Variants in EFCAB9 observed in about 807,000 individuals in gnomAD.
EFCAB9 encodes the protein EF-hand calcium binding domain 9, also known as EF-hand calcium-binding domain-containing protein 9.
In EFCAB9, 16 loss-of-function variants were observed where a neutral mutation model predicts 15.6. That is an observed-to-expected ratio of 1.03 (90% confidence interval 0.69 to 1.56). EFCAB9 has a LOEUF of 1.56. Among genes scored for constraint, EFCAB9 ranks in the 40% most tolerant of loss-of-function variants. The probability of loss-of-function intolerance (pLI) is 0.00; values close to 1 mark genes in which losing one functional copy is unlikely to be tolerated. For synonymous variants in EFCAB9, 76 were observed against 85.4 expected, an observed-to-expected ratio of 0.89 and a Z score of 0.61; for missense variants, 208 against 235.4, an observed-to-expected ratio of 0.88 and a Z score of 0.76.
At chr5:172,197,406 G>A (rs115146010) in intron 1 of EFCAB9, among the ~76,000 whole-genome samples, 97 of 152,192 alleles carry the variant, frequency 6.4e-4, no homozygotes, top group Non-Finnish European at 7.2e-4. Flanking sequence ...CGCGCCCAAC[G>A]TGAGGCACAC....
In EFCAB9 at chr5:172,203,382, T is replaced by C. The variant is rs776006211; in HGVS notation, c.*37T>C. 6.6e-7 allele frequency: 1 copy of C among 1,517,544 alleles called. No individual in the cohort carries two copies. The highest frequency in any genetic ancestry group is 8.8e-7 in the Non-Finnish European group (1 of 1,140,754). The allele number at this position is 1,517,544 out of a possible 1,614,324, so 94.0% of individuals were successfully genotyped here. The stretch of plus-strand genomic sequence containing the variant: ...AAGAGTCTTGGAAAAAAATGGGATC[T>C]GAAAGTACAGAACATGAACATTGAT... On this transcript the variant is annotated 3_prime_UTR_variant, in exon 4 of 4. Transcript: ENST00000398186.
In EFCAB9 at chr5:172,199,447, G is replaced by T; in HGVS notation, c.201G>T (p.Val67=). Residue 67 remains valine, a synonymous_variant, in exon 2 of 4, where the codon GTG becomes GTT. Coordinates refer to ENST00000398186, the MANE Select transcript of EFCAB9 (RefSeq NM_001171183.2). Reference sequence around the variant, plus strand: ...TGAAAAAGGCACAGATCAACATTGTGTTTGACATGCTGGACTGGAACGCTG... The same window carrying T: ...TGAAAAAGGCACAGATCAACATTGTTTTTGACATGCTGGACTGGAACGCTG... ...TDLKKAQINI[V]FDMLDWNAVG... 2 of 1,537,298 alleles carry T rather than the reference G, an allele frequency of 1.3e-6. No homozygotes were observed. The highest frequency in any genetic ancestry group is 1.7e-6 in the Non-Finnish European group (2 of 1,146,922).
chr5:172,199,240 G>A, intron 1 of EFCAB9, 143 bp from the exon 2 acceptor site: 1 of 1,110,510 alleles, frequency 9.0e-7, no homozygotes, highest in South Asian at 1.6e-5. Flanking sequence ...AAGTACAGTG[G>A]CAAAGCCAGA....
intron 1 of EFCAB9, among the ~76,000 whole-genome samples, chr5:172,195,298 G>GA (rs1291396377): frequency 6.6e-6 from 1 of 152,150 alleles, no homozygotes; most frequent in Non-Finnish European, 1.5e-5. Context: ...GGACTGAGTA[G>GA]AAATAAGGTA....
In EFCAB9 at chr5:172,203,360, A is replaced by T. The variant is rs1771291524; in HGVS notation, c.*15A>T. 1.6e-5 allele frequency: 24 copies of T among 1,522,586 alleles called. No individual in the cohort carries two copies. The highest frequency in any genetic ancestry group is 2.4e-5 in the South Asian group (2 of 82,112). 94.3% of individuals were successfully genotyped at this position (1,522,586 alleles called of 1,614,324 possible). A position where few individuals can be genotyped will look rare whatever the true frequency, so the allele number is the denominator to read the frequency against. The stretch of plus-strand genomic sequence containing the variant: ...ACATCAAGTAGATACAAGCTGAAAG[A>T]GTCTTGGAAAAAAATGGGATCTGAA... On this transcript the variant is annotated 3_prime_UTR_variant, in exon 4 of 4. Transcript: ENST00000398186.
rs1202061636 is a variant in EFCAB9, at chr5:172,203,414, T to G, written c.*69T>G. 15 of 1,457,944 alleles carry G rather than the reference T, an allele frequency of 1.0e-5. No homozygotes were observed. In the East Asian group the frequency reaches 3.8e-4, roughly 36 times the overall value. 90.3% of individuals were successfully genotyped at this position (1,457,944 alleles called of 1,614,324 possible). A position where few individuals can be genotyped will look rare whatever the true frequency, so the allele number is the denominator to read the frequency against. On this transcript the variant is annotated 3_prime_UTR_variant, in exon 4 of 4. Coordinates refer to ENST00000398186, the MANE Select transcript of EFCAB9 (RefSeq NM_001171183.2). ...ACAGAACATGAACATTGATGAAGAC[T>G]GTTAACATGTCTAAAAATAAATTCA...
chr5:172,200,810 A>ATATGTAGTAGGACATTTTT, intron 3 of EFCAB9, 68 bp downstream of exon 3: 1 of 1,442,126 alleles, frequency 6.9e-7, no homozygotes, highest in Non-Finnish European at 9.3e-7. Flanking sequence ...AAAATGTCCT[A>ATATGTAGTAGGACATTTTT]CTACATATAG....
At chr5:172,199,659 G>GA in intron 2 of EFCAB9, 128 bp downstream of exon 2, 1 of 1,354,916 alleles carries the variant, frequency 7.4e-7, no homozygotes, top group Non-Finnish European at 9.8e-7. Context: ...ATGAGTTTTG[G>GA]TTCCCGAATG....
rs376109384 is a variant in EFCAB9 at position 172,199,451 on chromosome 5, G to T, written c.205G>T (p.Asp69Tyr). The T allele has an allele frequency of 6.5e-7, 1 of 1,537,186 alleles. No individual in the cohort carries two copies. The highest frequency in any genetic ancestry group is 1.4e-5 in the African/African-American group (1 of 73,040). The change falls in exon 2 of 4, where the codon GAC becomes TAC. Residue 69 changes from aspartate (D) to tyrosine (Y), a missense_variant. Physicochemically the swap from Asp to Tyr is radical, Grantham distance 160 (BLOSUM62 -3). Coordinates refer to ENST00000398186, the MANE Select transcript of EFCAB9 (RefSeq NM_001171183.2). ...AAAGGCACAGATCAACATTGTGTTTGACATGCTGGACTGGAACGCTGTGGG... is the reference window on the plus strand; with the variant it reads ...AAAGGCACAGATCAACATTGTGTTTTACATGCTGGACTGGAACGCTGTGGG... ...LKKAQINIVF[D>Y]MLDWNAVGEI...
In EFCAB9 at chr5:172,194,247, C is replaced by T. The variant is rs781167417; in HGVS notation, c.75C>T (p.Asn25=). ...TATACTGCTTATTATCCGTGAGAAA[C>T]GTGAAGGCTTTGGCAGAATATTTTC... ...DKIYCLLSVR[N]VKALAEYFHI... Residue 25 remains asparagine, a synonymous_variant, in exon 1 of 4, where the codon AAC becomes AAT. Transcript: ENST00000398186. The T allele has an allele frequency of 1.0e-5, 16 of 1,537,730 alleles. No homozygotes were observed. The highest frequency in any genetic ancestry group is 3.9e-5 in the Admixed American group (2 of 50,958).
At chr5:172,197,267 C>A (rs985999840) in intron 1 of EFCAB9, among the ~76,000 whole-genome samples, 16 of 152,220 alleles carry the variant, frequency 1.1e-4, no homozygotes, top group Admixed American at 8.5e-4. Context: ...GCCACCATGC[C>A]CAGCTAATTT....
At chr5:172,195,118 G>T (rs926334317) in intron 1 of EFCAB9, among the ~76,000 whole-genome samples, 1 of 151,018 alleles carries the variant, frequency 6.6e-6, no homozygotes, top group Non-Finnish European at 1.5e-5. Flanking sequence ...TGAGCTGCAG[G>T]ATCCCTTCTA....
In EFCAB9 at chr5:172,200,632, G is replaced by C; in HGVS notation, c.352G>C (p.Gly118Arg). 6.5e-7 allele frequency: 1 copy of C among 1,537,216 alleles called. No individual in the cohort carries two copies. Among genetic ancestry groups the C allele is most frequent in the Non-Finnish European group, 8.7e-7 (1 of 1,146,922 alleles). ...TGTCTTTGACCTGCTTGACCTGAAA[G>C]GGGATCTGAGAATTGGTGCAAAAAA... The part of the protein sequence containing the change: ...RPVFDLLDLK[G>R]DLRIGAKNFE... The change falls in exon 3 of 4, where the codon GGG (glycine) becomes CGG (arginine). Residue 118 changes from glycine to arginine, a missense_variant. Transcript: ENST00000398186.
At chr5:172,202,465 T>C (rs1490309810) in intron 3 of EFCAB9, among the ~76,000 whole-genome samples, 1 of 152,036 alleles carries the variant, frequency 6.6e-6, no homozygotes, top group Admixed American at 6.6e-5. Flanking sequence ...CCCAACATTT[T>C]GGGAGGCTGG....
intron 1 of EFCAB9, among the ~76,000 whole-genome samples, chr5:172,198,775 CT>C (rs1328762398): frequency 1.3e-5 from 2 of 152,276 alleles, no homozygotes; most frequent in East Asian, 3.9e-4. Context: ...GCCACCACGC[CT>C]GGCTAATTTT....
chr5:172,197,965 T>C (rs1029442845), intron 1 of EFCAB9, among the ~76,000 whole-genome samples: 6 of 152,204 alleles, frequency 3.9e-5, no homozygotes, highest in African/African-American at 7.2e-5. Flanking sequence ...AGAGTGCTGA[T>C]TGGTGCATTT....
intron 3 of EFCAB9, among the ~76,000 whole-genome samples, chr5:172,201,327 T>A (rs1303058926): frequency 6.6e-6 from 1 of 150,906 alleles, no homozygotes; most frequent in Non-Finnish European, 1.5e-5. Context: ...GTGAGCTAAA[T>A]CATGCCATTG....
intron 3 of EFCAB9, among the ~76,000 whole-genome samples, chr5:172,201,423 T>TGGCTACTTGGCAGGTGCCAA (rs762704010): frequency 6.6e-6 from 1 of 151,992 alleles, no homozygotes; most frequent in Non-Finnish European, 1.5e-5. Flanking sequence ...GGCAGGTGCC[T>TGGCTACTTGGCAGGTGCCAA]GTAATCCCAG....
At position 172,203,354 on chromosome 5, in the gene EFCAB9, T is replaced by C. The variant is rs1198692775; in HGVS notation, c.*9T>C. ...AATGTCACATCAAGTAGATACAAGC[T>C]GAAAGAGTCTTGGAAAAAAATGGGA... On this transcript the variant is annotated 3_prime_UTR_variant, in exon 4 of 4. Coordinates refer to ENST00000398186, the MANE Select transcript of EFCAB9 (RefSeq NM_001171183.2). 2.6e-6 allele frequency: 4 copies of C among 1,524,394 alleles called. No homozygotes were observed. The highest frequency in any genetic ancestry group is 3.4e-4 in the Middle Eastern group (2 of 5,898). The allele number at this position is 1,524,394 out of a possible 1,614,324, so 94.4% of individuals were successfully genotyped here. A position where few individuals can be genotyped will look rare whatever the true frequency, so the allele number is the denominator to read the frequency against.
Sources: allele counts gnomAD v4.1 joint callset (sites outside exome capture counted in the v4.1 genomes callset), GRCh38; gene constraint gnomAD v4.1.1; transcripts MANE v1.5; gene names NCBI Gene and HGNC (gene_info 2026-07-23, HGNC 2026-07-21).